The following TATDN1 variants were observed in gnomAD, a reference collection of about 807,000 sequenced individuals.
TATDN1 encodes the protein deoxyribonuclease TATDN1.
TATDN1 carries 40 observed loss-of-function variants against 46.4 expected under a neutral mutation model. The observed-to-expected ratio is 0.86, with a 90% CI of 0.67 to 1.12. The LOEUF (loss-of-function observed/expected upper bound fraction) is 1.12, where lower values mean the gene tolerates loss of function less well. Among genes scored for constraint, TATDN1 ranks in the 50% most tolerant of loss-of-function variants. TATDN1 has a pLI of 0.00. For missense variants in TATDN1, 326 were observed against 348.4 expected (o/e 0.94, Z 0.51); for synonymous variants, 95 against 105.6 (o/e 0.90, Z 0.62).
At chr8:124,500,810 A>C (rs902473545) in intron 9 of TATDN1, among the ~76,000 whole-genome samples, 1 of 151,998 alleles carries the variant, frequency 6.6e-6, no homozygotes, top group Non-Finnish European at 1.5e-5. Flanking sequence ...TTTTTAAATG[A>C]AACTAGGAGA....
At chr8:124,516,700 T>G (rs1819503689) in intron 4 of TATDN1, among the ~76,000 whole-genome samples, 1 of 149,816 alleles carries the variant, frequency 6.7e-6, no homozygotes. Context: ...TATTGATTCA[T>G]GTATTTAATA....
At position 124,518,898 on chromosome 8, in the gene TATDN1, A is replaced by G; in HGVS notation, c.139-17T>C. The G allele has an allele frequency of 6.4e-7, 1 of 1,565,844 alleles. No individual in the cohort carries two copies. The highest frequency in any genetic ancestry group is 1.1e-5 in the South Asian group (1 of 88,126). ...AATCATAAACTGAAATAGAAAGAAA[A>G]TAAAATAAGCTGACTTTAATAGGGC... On this transcript the variant is annotated splice_polypyrimidine_tract_variant and intron_variant, in intron 3 of 11. Coordinates refer to ENST00000276692, the MANE Select transcript of TATDN1 (RefSeq NM_032026.4).
chr8:124,518,713 G>T, intron 4 of TATDN1, 105 bp downstream of exon 4: 1 of 788,138 alleles, frequency 1.3e-6, no homozygotes, highest in Non-Finnish European at 2.2e-6. Flanking sequence ...TTTTCCTATT[G>T]TTTCCAGTCA....
intron 1 of TATDN1, among the ~76,000 whole-genome samples, chr8:124,532,544 A>G (rs1002418508): frequency 2.1e-4 from 32 of 152,334 alleles, no homozygotes; most frequent in Middle Eastern, 6.8e-3. Flanking sequence ...TCGGCTTCCC[A>G]AAGTGCTAGG....
At chr8:124,534,758 T>C (rs1200976736) in intron 1 of TATDN1, among the ~76,000 whole-genome samples, 3 of 152,164 alleles carry the variant, frequency 2.0e-5, no homozygotes, top group African/African-American at 7.2e-5. Context: ...CCCACAAGAC[T>C]CTCCCCATTT....
chr8:124,496,003 G>A (rs1033216489), intron 9 of TATDN1, among the ~76,000 whole-genome samples: 6 of 152,162 alleles, frequency 3.9e-5, no homozygotes, highest in South Asian at 2.1e-4. Context: ...TGAATCTGGC[G>A]TTGGCCTCAA....
chr8:124,497,288 CTT>C (rs750659706), intron 9 of TATDN1, among the ~76,000 whole-genome samples: 13 of 101,096 alleles, frequency 1.3e-4, no homozygotes, highest in Non-Finnish European at 7.7e-5. Flanking sequence ...CTTTCTTCTT[CTT>C]TTTTTTTTTT....
intron 1 of TATDN1, chr8:124,538,227 C>T (rs1179612642): frequency 6.6e-6 from 1 of 152,332 alleles, no homozygotes; most frequent in South Asian, 2.1e-4. Context: ...GCACACATCT[C>T]TTCCATTTCT....
At chr8:124,518,972 G>C in intron 3 of TATDN1, 91 bp from the exon 4 acceptor site, 1 of 832,528 alleles carries the variant, frequency 1.2e-6, no homozygotes, top group South Asian at 1.5e-5. Flanking sequence ...CCTTATTCCA[G>C]AATGCTCTTT....
intron 4 of TATDN1, among the ~76,000 whole-genome samples, chr8:124,518,016 T>C (rs1038092339): frequency 1.4e-5 from 2 of 147,458 alleles, no homozygotes; most frequent in Admixed American, 6.8e-5. Context: ...TCAAGACCCA[T>C]CTTGGCTAAC....
rs1268278608 is a variant in TATDN1, at chr8:124,508,600, C to A, written c.475+3G>T. 6.2e-7 allele frequency: 1 copy of A among 1,606,716 alleles called. No homozygotes were observed. The highest frequency in any genetic ancestry group is 8.5e-7 in the Non-Finnish European group (1 of 1,176,702). ...TCTGAATGAGACTTTGGTTTTAACT[C>A]ACCCAAAAATTCAGCATGTGAGTTT... On this transcript the variant is annotated splice_donor_region_variant and intron_variant, in intron 7 of 11. Transcript: ENST00000276692.
intron 1 of TATDN1, among the ~76,000 whole-genome samples, chr8:124,526,514 A>T (rs1351633985): frequency 6.6e-6 from 1 of 152,250 alleles, no homozygotes; most frequent in Non-Finnish European, 1.5e-5. Context: ...TGATAGGAAC[A>T]AAAACAAGGC....
chr8:124,503,164 G>A (rs538029862), intron 9 of TATDN1, among the ~76,000 whole-genome samples: 1 of 152,188 alleles, frequency 6.6e-6, no homozygotes, highest in African/African-American at 2.4e-5. Flanking sequence ...CTGAAATAAC[G>A]ACATTGAGAG....
intron 11 of TATDN1, chr8:124,491,382 G>T: frequency 6.6e-6 from 1 of 152,406 alleles, no homozygotes; most frequent in Non-Finnish European, 1.5e-5. Flanking sequence ...TGCTTAAGGT[G>T]TTTGTTTGTC....
intron 3 of TATDN1, among the ~76,000 whole-genome samples, chr8:124,519,318 CT>C (rs1819829293): frequency 6.6e-6 from 1 of 152,176 alleles, no homozygotes; most frequent in East Asian, 1.9e-4. Context: ...TAATAAGACA[CT>C]TTCTGTCTTT....
intron 6 of TATDN1, among the ~76,000 whole-genome samples, chr8:124,514,416 C>T (rs1417588258): frequency 6.6e-6 from 1 of 152,122 alleles, no homozygotes; most frequent in Non-Finnish European, 1.5e-5. Context: ...TGGATGGTAT[C>T]TTAAGAGAGA....
intron 6 of TATDN1, among the ~76,000 whole-genome samples, chr8:124,514,320 C>G (rs1268734081): frequency 6.6e-6 from 1 of 152,130 alleles, no homozygotes; most frequent in Non-Finnish European, 1.5e-5. Context: ...TAAAAAAATC[C>G]CTTCAGGCCA....
At chr8:124,531,451 A>C (rs1189143622) in intron 1 of TATDN1, among the ~76,000 whole-genome samples, 1 of 152,182 alleles carries the variant, frequency 6.6e-6, no homozygotes, top group Non-Finnish European at 1.5e-5. Context: ...GTGCTGTAAA[A>C]GGGCAGATTT....
intron 1 of TATDN1, among the ~76,000 whole-genome samples, chr8:124,532,586 G>C (rs1382551215): frequency 5.9e-5 from 9 of 152,188 alleles, no homozygotes; most frequent in Admixed American, 5.9e-4. Context: ...ACCTGGCCTA[G>C]TCTTTGTTCT....
Sources: allele counts gnomAD v4.1 joint callset (sites outside exome capture counted in the v4.1 genomes callset), GRCh38; gene constraint gnomAD v4.1.1; transcripts MANE v1.5; gene names NCBI Gene and HGNC (gene_info 2026-07-23, HGNC 2026-07-21).